The following CPQ variants were observed in gnomAD, a reference collection of about 807,000 sequenced individuals.
CPQ encodes Ser-Met dipeptidase.
In CPQ, 37 loss-of-function variants were observed where a neutral mutation model predicts 45.7. That is an observed-to-expected ratio of 0.81 (90% CI 0.62 to 1.07). CPQ has a LOEUF of 1.07. Ranked by LOEUF, CPQ falls within the 50% of genes least tolerant of loss-of-function variation. CPQ has a pLI of 0.00. For missense variants in CPQ, 537 were observed against 572.9 expected (o/e 0.94, Z 0.64); for synonymous variants, 186 against 205.8 (o/e 0.90, Z 0.82).
intron 5 of CPQ, among the ~76,000 whole-genome samples, chr8:96,968,991 T>A (rs1813617956): frequency 6.6e-6 from 1 of 152,274 alleles, no homozygotes; most frequent in Non-Finnish European, 1.5e-5. Flanking sequence ...TTTTCTGGAA[T>A]GTTCTGGTGT....
At chr8:96,761,458 G>A (rs1437996959) in intron 1 of CPQ, 1 of 152,240 alleles carries the variant, frequency 6.6e-6, no homozygotes, top group Non-Finnish European at 1.5e-5. Context: ...GGTCTACAAG[G>A]TGACTGGTGG....
chr8:96,839,757 T>C (rs969931236), intron 3 of CPQ, among the ~76,000 whole-genome samples: 4 of 152,214 alleles, frequency 2.6e-5, no homozygotes, highest in Non-Finnish European at 5.9e-5. Context: ...TAGTGTTATT[T>C]ATTTTATATT....
At chr8:96,989,990 C>T (rs576223581) in intron 5 of CPQ, among the ~76,000 whole-genome samples, 4 of 152,166 alleles carry the variant, frequency 2.6e-5, no homozygotes, top group Non-Finnish European at 5.9e-5. Flanking sequence ...CCAGCAAAAT[C>T]CCGTGTCTCT....
At chr8:97,039,865 C>A (rs1810083832) in intron 6 of CPQ, among the ~76,000 whole-genome samples, 2 of 151,450 alleles carry the variant, frequency 1.3e-5, no homozygotes, top group Admixed American at 6.6e-5. Flanking sequence ...GCCACATTTT[C>A]TTAATCCAGT....
At chr8:97,062,662 TC>T (rs975884102) in intron 6 of CPQ, among the ~76,000 whole-genome samples, 1 of 152,108 alleles carries the variant, frequency 6.6e-6, no homozygotes, top group Admixed American at 6.6e-5. Flanking sequence ...TGTGTGTTGT[TC>T]CTCTCTATCT....
intron 6 of CPQ, among the ~76,000 whole-genome samples, chr8:97,043,964 G>A (rs1296109803): frequency 2.6e-5 from 4 of 152,110 alleles, no homozygotes; most frequent in African/African-American, 9.7e-5. Flanking sequence ...TATATGTCTT[G>A]GAGTTGCTCT....
intron 5 of CPQ, among the ~76,000 whole-genome samples, chr8:96,973,048 C>T (rs1813707099): frequency 6.6e-6 from 1 of 151,912 alleles, no homozygotes; most frequent in African/African-American, 2.4e-5. Context: ...CTCCAAATTG[C>T]CAGAAATAGA....
In CPQ at chr8:96,685,036, G is replaced by A. The variant is rs987412519; in HGVS notation, c.-35+39634G>A. Reference sequence around the variant, plus strand: ...GGAGAATCACTTGAACCTGGGAGGCGGAGGTTGCAGTGAGCTGAGCTCGTG... The same window carrying A: ...GGAGAATCACTTGAACCTGGGAGGCAGAGGTTGCAGTGAGCTGAGCTCGTG... On this transcript the variant is annotated intron_variant, in intron 1 of 7. Coordinates refer to ENST00000220763, the MANE Select transcript of CPQ (RefSeq NM_016134.4). Among the ~76,000 whole-genome samples, 8 of 152,088 alleles carry A rather than the reference G, an allele frequency of 5.3e-5. 1 individual carries two copies. The highest frequency in any genetic ancestry group is 2.1e-4 in the South Asian group (1 of 4,824).
chr8:96,687,143 A>G (rs1372630311), intron 1 of CPQ, among the ~76,000 whole-genome samples: 2 of 151,262 alleles, frequency 1.3e-5, no homozygotes, highest in African/African-American at 4.9e-5. Context: ...ATTCTTTCAC[A>G]TTCCATTTTT....
intron 7 of CPQ, among the ~76,000 whole-genome samples, chr8:97,068,837 C>A (rs576320640): frequency 1.3e-5 from 2 of 152,242 alleles, no homozygotes; most frequent in South Asian, 4.1e-4. Flanking sequence ...ACTATACTGC[C>A]CTTAGGGCAG....
At chr8:96,840,995 T>C (rs1032923118) in intron 3 of CPQ, among the ~76,000 whole-genome samples, 5 of 152,268 alleles carry the variant, frequency 3.3e-5, no homozygotes, top group African/African-American at 1.2e-4. Context: ...GTTGATGGGA[T>C]GTCCCCCCTC....
chr8:96,734,355 C>T (rs1211604958), intron 1 of CPQ, among the ~76,000 whole-genome samples: 5 of 152,164 alleles, frequency 3.3e-5, no homozygotes, highest in Non-Finnish European at 5.9e-5. Context: ...TTCTCCAGTC[C>T]ATTCTCCATG....
chr8:96,671,820 T>G (rs1051555013), intron 1 of CPQ, among the ~76,000 whole-genome samples: 3 of 152,154 alleles, frequency 2.0e-5, no homozygotes, highest in African/African-American at 7.2e-5. Context: ...TTAATTTACC[T>G]GTAGAATCTC....
chr8:96,760,399 T>C (rs1382310930), intron 1 of CPQ, among the ~76,000 whole-genome samples: 1 of 152,104 alleles, frequency 6.6e-6, no homozygotes, highest in African/African-American at 2.4e-5. Flanking sequence ...TATGCAAGAT[T>C]GTAAGTGGAA....
intron 2 of CPQ, among the ~76,000 whole-genome samples, chr8:96,785,875 T>C (rs2130809792): frequency 6.6e-6 from 1 of 152,300 alleles, no homozygotes; most frequent in South Asian, 2.1e-4. Context: ...CAGGGATGTA[T>C]AGCCAGTCAT....
At chr8:97,122,434 T>C (rs1811721547) in intron 7 of CPQ, among the ~76,000 whole-genome samples, 1 of 152,070 alleles carries the variant, frequency 6.6e-6, no homozygotes, top group Non-Finnish European at 1.5e-5. Context: ...TCAGCAAAAA[T>C]ATTCCTCAAA....
chr8:97,091,190 A>C (rs1239072031), intron 7 of CPQ, among the ~76,000 whole-genome samples: 5 of 152,188 alleles, frequency 3.3e-5, no homozygotes, highest in African/African-American at 7.2e-5. Flanking sequence ...TATCTTAATA[A>C]ACTGTGTCTA....
chr8:97,024,030 A>G (rs1809754712), intron 5 of CPQ, among the ~76,000 whole-genome samples: 1 of 152,126 alleles, frequency 6.6e-6, no homozygotes, highest in South Asian at 2.1e-4. Flanking sequence ...AATCATAACC[A>G]CTGTGCCAGG....
chr8:97,138,825 G>A (rs889766492), intron 7 of CPQ, among the ~76,000 whole-genome samples: 2 of 151,942 alleles, frequency 1.3e-5, no homozygotes. Flanking sequence ...AGATGAATAT[G>A]TAACCTATAA....
Sources: allele counts gnomAD v4.1 joint callset (sites outside exome capture counted in the v4.1 genomes callset), GRCh38; gene constraint gnomAD v4.1.1; transcripts MANE v1.5; gene names NCBI Gene and HGNC (gene_info 2026-07-23, HGNC 2026-07-21).